EDC3: variants seen among roughly 807,000 people sequenced by gnomAD.
EDC3 encodes enhancer of mRNA-decapping protein 3.
EDC3 carries 20 observed loss-of-function variants against 41.8 expected under a neutral mutation model. The ratio of observed to expected loss-of-function variants is 0.48; its 90% CI spans 0.34 to 0.70. The LOEUF (loss-of-function observed/expected upper bound fraction) is 0.70, where lower values mean the gene tolerates loss of function less well. Ranked by LOEUF, EDC3 falls within the 30% of genes least tolerant of loss-of-function variation. EDC3 has a pLI of 0.01. For synonymous variants in EDC3, 206 were observed against 243.2 expected (o/e 0.85, Z 1.42); for missense variants, 444 against 636.8 (o/e 0.70, Z 3.26).
At position 74,640,482 on chromosome 15, in the gene EDC3, G is replaced by C. The variant is rs1209155552; in HGVS notation, c.958C>G (p.Leu320Val). 2 of 1,614,030 alleles carry C rather than the reference G, an allele frequency of 1.2e-6. No individual in the cohort carries two copies. Among genetic ancestry groups the C allele is most frequent in the South Asian group, 1.1e-5 (1 of 91,092 alleles). The change falls in exon 5 of 7, where the codon CTC becomes GTC. Residue 320 changes from leucine to valine, a missense_variant. Physicochemically the swap from Leu to Val is conservative, Grantham distance 32. Around this residue, in one of 3 missense-constraint regions of EDC3, gnomAD observed 242 missense variants for 363.8 expected, o/e 0.67. Transcript: ENST00000315127. The part of the protein sequence containing the change: ...VCASQMALTL[L>V]GGPNRLNPKN... ...GACATTTACCTGTTAGGTCCTCCGA[G>C]GAGGGTCAGTGCCATCTGACTGGCA... is the stretch of plus-strand genomic sequence containing the variant.
chr15:74,647,976 A>G (rs956921639), intron 4 of EDC3, among the ~76,000 whole-genome samples: 4 of 152,104 alleles, frequency 2.6e-5, no homozygotes, highest in Admixed American at 2.6e-4. Context: ...CCGTTGGGGA[A>G]TGAAGTTGGG....
At chr15:74,640,086 T>C (rs551086867) in intron 5 of EDC3, 218 of 196,996 alleles carry the variant, frequency 1.1e-3, no homozygotes, top group Non-Finnish European at 1.9e-3. Flanking sequence ...GTCAGTGTGG[T>C]TCTGGAAGCT....
chr15:74,693,355 C>T (rs1032195858), intron 1 of EDC3, among the ~76,000 whole-genome samples: 2 of 152,158 alleles, frequency 1.3e-5, no homozygotes, highest in African/African-American at 2.4e-5. Context: ...TGGACCCAAG[C>T]GCAATTTCTC....
chr15:74,636,068 T>A (rs2062269389), intron 5 of EDC3: 1 of 170,500 alleles, frequency 5.9e-6, no homozygotes, highest in Non-Finnish European at 1.3e-5. Flanking sequence ...GCCTTTCACT[T>A]TCCAAACTCT....
chr15:74,632,756 C>T lies in EDC3; in HGVS notation c.1383G>A (p.Leu461=), dbSNP rs1299780601. The T allele has an allele frequency of 6.3e-5, 102 of 1,614,124 alleles. No individual in the cohort carries two copies. Among genetic ancestry groups the T allele is most frequent in the Non-Finnish European group, 8.6e-5 (101 of 1,180,044 alleles). ...QGIDAKWSLA[L]GLPLPLGEHA... is the part of the protein sequence containing the mutation. The stretch of plus-strand genomic sequence containing the variant: ...GCTCCCCCAGTGGCAGAGGCAGGCC[C>T]AGTGCCAGTGACCATTTGGCATCAA... The change falls in exon 7 of 7, where the codon CTG becomes CTA. Residue 461 remains leucine (L), a synonymous_variant. Transcript: ENST00000315127. This position sits in a 1 kb window ranked among gnomAD's most constrained non-coding sequence, Gnocchi z 4.0.
intron 1 of EDC3, among the ~76,000 whole-genome samples, chr15:74,685,930 C>T (rs1038910895): frequency 2.0e-5 from 3 of 152,174 alleles, no homozygotes; most frequent in Non-Finnish European, 2.9e-5. Flanking sequence ...TGGGGGCTCA[C>T]GTTTATAATT....
chr15:74,694,136 T>C (rs2063039584), intron 1 of EDC3, among the ~76,000 whole-genome samples: 1 of 152,190 alleles, frequency 6.6e-6, no homozygotes, highest in Non-Finnish European at 1.5e-5. Flanking sequence ...CTTCTCTGGA[T>C]AAGAAAAGAA....
intron 4 of EDC3, chr15:74,641,782 T>A (rs1243113706): frequency 6.5e-6 from 1 of 153,174 alleles, no homozygotes; most frequent in Admixed American, 6.5e-5. Context: ...AGGAAATTAA[T>A]CTTTTACTTC....
At chr15:74,649,087 CAG>C (rs1471407023) in intron 4 of EDC3, among the ~76,000 whole-genome samples, 1 of 116,440 alleles carries the variant, frequency 8.6e-6, no homozygotes, top group Non-Finnish European at 1.7e-5. Flanking sequence ...TTTTTTGAGA[CAG>C]AGTCTCACTC....
At chr15:74,651,486 G>A (rs2062480135) in intron 4 of EDC3, among the ~76,000 whole-genome samples, 1 of 152,356 alleles carries the variant, frequency 6.6e-6, no homozygotes, top group South Asian at 2.1e-4. Flanking sequence ...GTACTGCCAA[G>A]AGGAGTATGA....
chr15:74,675,178 GAA>G, intron 1 of EDC3, 36 bp from the exon 2 acceptor site: 1 of 1,587,532 alleles, frequency 6.3e-7, no homozygotes, highest in Non-Finnish European at 8.6e-7. Flanking sequence ...GTGCCTTGGT[GAA>G]AAGACAAACT....
At chr15:74,661,650 G>A (rs971168768) in intron 3 of EDC3, among the ~76,000 whole-genome samples, 2 of 149,508 alleles carry the variant, frequency 1.3e-5, no homozygotes, top group South Asian at 2.1e-4. Context: ...AGAATCGCTT[G>A]AACCCGGGAG....
chr15:74,685,212 T>C (rs958892836), intron 1 of EDC3, among the ~76,000 whole-genome samples: 4 of 151,662 alleles, frequency 2.6e-5, no homozygotes, highest in Admixed American at 6.6e-5. Context: ...CTAGGCAACA[T>C]AGGGAGACCC....
intron 1 of EDC3, among the ~76,000 whole-genome samples, chr15:74,683,834 C>G (rs1021867740): frequency 1.3e-5 from 2 of 152,024 alleles, no homozygotes; most frequent in African/African-American, 4.8e-5. Context: ...CAATCATTCA[C>G]TATATTTAAA....
intron 1 of EDC3, among the ~76,000 whole-genome samples, chr15:74,676,138 C>T (rs1376857435): frequency 1.3e-5 from 2 of 152,104 alleles, no homozygotes; most frequent in Non-Finnish European, 2.9e-5. Flanking sequence ...TTAAGCAAGA[C>T]ATTTCCAAAT....
At chr15:74,678,082 C>T (rs2062826324) in intron 1 of EDC3, among the ~76,000 whole-genome samples, 1 of 140,296 alleles carries the variant, frequency 7.1e-6, no homozygotes. Context: ...GCAGTGGGTG[C>T]CAGTGGTTAG....
At chr15:74,686,022 A>C (rs112117020) in intron 1 of EDC3, among the ~76,000 whole-genome samples, 1 of 152,054 alleles carries the variant, frequency 6.6e-6, no homozygotes. Context: ...ATGAAACCCC[A>C]TATCTACTAA....
At chr15:74,676,499 T>C (rs2062808739) in intron 1 of EDC3, among the ~76,000 whole-genome samples, 1 of 152,056 alleles carries the variant, frequency 6.6e-6, no homozygotes, top group Admixed American at 6.5e-5. Context: ...ATAAAACACA[T>C]ATTATTAATA....
intron 3 of EDC3, among the ~76,000 whole-genome samples, chr15:74,667,543 A>G (rs948576833): frequency 6.6e-6 from 1 of 151,350 alleles, no homozygotes; most frequent in African/African-American, 2.4e-5. Flanking sequence ...GGTAGTAGTA[A>G]GCATCTTTCA....
Sources: gnomAD v4.1 joint callset for allele counts (sites outside exome capture counted in the v4.1 genomes callset) on GRCh38, gnomAD v4.1.1 for gene constraint, gnomAD v4.1.1 regional missense constraint, Gnocchi (gnomAD v3.1) non-coding constraint, MANE v1.5 for transcripts, NCBI Gene and HGNC (gene_info 2026-07-23, HGNC 2026-07-21) for gene names.